The following GPR63 variants were observed in gnomAD, a reference collection of about 807,000 sequenced individuals.
The protein encoded by GPR63 is G protein-coupled receptor 63, also known as probable G protein-coupled receptor 63.
In GPR63, 12 loss-of-function variants were observed where a neutral mutation model predicts 23.1. The observed-to-expected ratio is 0.52, with a 90% CI of 0.33 to 0.84. GPR63 has a LOEUF of 0.84. GPR63 is among the 40% of genes least tolerant of loss of function. The pLI is 0.02. For synonymous variants in GPR63, 172 were observed against 191.1 expected, an observed-to-expected ratio of 0.90 and a Z score of 0.82; for missense variants, 472 against 515.6, an observed-to-expected ratio of 0.92 and a Z score of 0.82.
chr6:96,835,491 C>A (rs1774702244), intron 1 of GPR63, among the ~76,000 whole-genome samples: 1 of 152,040 alleles, frequency 6.6e-6, no homozygotes, highest in African/African-American at 2.4e-5. Context: ...AAACCATAAA[C>A]AAAATCTCAA....
chr6:96,804,779 C>A (rs1349269271), intron 1 of GPR63, among the ~76,000 whole-genome samples: 1 of 152,112 alleles, frequency 6.6e-6, no homozygotes, highest in African/African-American at 2.4e-5. Flanking sequence ...TTAGCTGTCA[C>A]AGCATTTCCA....
intron 1 of GPR63, among the ~76,000 whole-genome samples, chr6:96,826,764 C>G: frequency 6.6e-6 from 1 of 151,952 alleles, no homozygotes; most frequent in African/African-American, 2.4e-5. Flanking sequence ...AAAATAAACT[C>G]TACCATGTCA....
At position 96,794,801 on chromosome 6, in the gene GPR63, G is replaced by T. The variant is rs145661676; in HGVS notation, c.*3671C>A. ...GACTTTCAATTAAGTCACCCATTTT[G>T]CTCTACTGTGAAGCTATATGCTTTA... On this transcript the variant is annotated 3_prime_UTR_variant, in exon 2 of 2. Coordinates refer to ENST00000229955, the MANE Select transcript of GPR63 (RefSeq NM_030784.4). 4.7e-4 allele frequency: 71 copies of T among 152,178 alleles called. No homozygotes were observed. Among genetic ancestry groups the T allele is most frequent in the African/African-American group, 1.6e-3 (65 of 41,516 alleles). 9.4% of individuals were successfully genotyped at this position (152,178 alleles called of 1,614,324 possible).
intron 1 of GPR63, among the ~76,000 whole-genome samples, chr6:96,811,285 C>A (rs1300151717): frequency 6.6e-6 from 1 of 152,204 alleles, no homozygotes; most frequent in East Asian, 1.9e-4. Context: ...TAAACAGAAA[C>A]TGGCTGCTGG....
In GPR63 at chr6:96,798,961, TA is replaced by T; in HGVS notation, c.770del (p.Val257GlufsTer18). On this transcript the variant is annotated frameshift_variant, in exon 2 of 2. Coordinates refer to ENST00000229955, the MANE Select transcript of GPR63 (RefSeq NM_030784.4). LOFTEE classifies it high-confidence loss of function. ...SLISFFIPFL[V>X]ILYSFMGILN... Reference sequence around the variant, plus strand: ...GTATGCCCATAAATGAGTACAGTATTACCAGGAAGGGTATGAAGAAAGAAAT... The same window carrying T: ...GTATGCCCATAAATGAGTACAGTATTCCAGGAAGGGTATGAAGAAAGAAAT... 1.2e-6 allele frequency: 2 copies of T among 1,614,128 alleles called. No individual in the cohort carries two copies. The highest frequency in any genetic ancestry group is 1.7e-6 in the Non-Finnish European group (2 of 1,180,016).
At chr6:96,820,823 C>A (rs1774295793) in intron 1 of GPR63, among the ~76,000 whole-genome samples, 1 of 152,102 alleles carries the variant, frequency 6.6e-6, no homozygotes, top group East Asian at 1.9e-4. Context: ...CCTTAATCTA[C>A]CACAAATTTC....
intron 1 of GPR63, among the ~76,000 whole-genome samples, chr6:96,834,225 C>T (rs925886159): frequency 2.0e-5 from 3 of 152,254 alleles, no homozygotes; most frequent in East Asian, 3.9e-4. Context: ...CATGGCATAC[C>T]GCCTCAAGCC....
chr6:96,823,853 T>A (rs1182993568), intron 1 of GPR63, among the ~76,000 whole-genome samples: 1 of 152,150 alleles, frequency 6.6e-6, no homozygotes, highest in Non-Finnish European at 1.5e-5. Context: ...TACAGTAACA[T>A]GCTTTACAGG....
At chr6:96,819,592 G>T (rs12191070) in intron 1 of GPR63, among the ~76,000 whole-genome samples, 1 of 151,812 alleles carries the variant, frequency 6.6e-6, no homozygotes, top group Non-Finnish European at 1.5e-5. Context: ...CTAAATGGGG[G>T]TTGATAGGAG....
intron 1 of GPR63, among the ~76,000 whole-genome samples, chr6:96,820,116 T>C (rs1452089211): frequency 2.0e-5 from 3 of 151,138 alleles, no homozygotes; most frequent in African/African-American, 7.3e-5. Context: ...GAAAATAAAA[T>C]CTTCTTGAAC....
chr6:96,811,464 G>A (rs1335713110), intron 1 of GPR63, among the ~76,000 whole-genome samples: 1 of 152,180 alleles, frequency 6.6e-6, no homozygotes, highest in East Asian at 1.9e-4. Context: ...ACATTATGGA[G>A]CATCTCTCTC....
intron 1 of GPR63, among the ~76,000 whole-genome samples, chr6:96,811,166 A>G (rs976241803): frequency 6.6e-6 from 1 of 152,176 alleles, no homozygotes; most frequent in African/African-American, 2.4e-5. Context: ...CTCATTGCAT[A>G]TGCTCTAAAG....
At position 96,811,961 on chromosome 6, in the gene GPR63, C is replaced by A. The variant is rs191071796; in HGVS notation, c.-150-12080G>T. On this transcript the variant is annotated intron_variant, in intron 1 of 1. Coordinates refer to ENST00000229955, the MANE Select transcript of GPR63 (RefSeq NM_030784.4). The stretch of plus-strand genomic sequence containing the variant: ...AAATGAATACTCTATAAATTTAGAT[C>A]ATTATAACAATGTCTACTTTTTTTG... Among the ~76,000 whole-genome samples the A allele has an allele frequency of 2.6e-5, 4 of 151,974 alleles. No homozygotes were observed. The East Asian group carries it at 5.8e-4, about 22-fold the overall frequency.
intron 1 of GPR63, among the ~76,000 whole-genome samples, chr6:96,809,628 A>G (rs955415055): frequency 6.6e-6 from 1 of 152,174 alleles, no homozygotes; most frequent in South Asian, 2.1e-4. Context: ...CTTCAAATCC[A>G]TAGTAACCCA....
chr6:96,803,032 G>A (rs754444675), intron 1 of GPR63, among the ~76,000 whole-genome samples: 2 of 152,108 alleles, frequency 1.3e-5, no homozygotes, highest in East Asian at 1.9e-4. Flanking sequence ...ATGAAAGCAC[G>A]TATCTCCATT....
Position 96,819,413 on chromosome 6 carries a change from G to A in GPR63, c.-151+17855C>T, listed in dbSNP as rs966984319. The stretch of plus-strand genomic sequence containing the variant: ...AAACCATCATTCTCAGCAAACTAAC[G>A]GGAACAGAAAACCAAACACAGCATG... On this transcript the variant is annotated intron_variant, in intron 1 of 1. Transcript: ENST00000229955. Among the ~76,000 whole-genome samples, 12 of 152,084 alleles carry A rather than the reference G, an allele frequency of 7.9e-5. No homozygotes were observed. The South Asian group carries it at 2.3e-3, about 29-fold the overall frequency.
chr6:96,827,046 T>TA (rs11461025), intron 1 of GPR63, among the ~76,000 whole-genome samples: 70,331 of 122,140 alleles, frequency 0.58, 18,670 homozygotes, highest in Admixed American at 0.66. Flanking sequence ...GAACACAGTC[T>TA]AAAAAAAAAA....
chr6:96,801,548 T>C (rs1353205615), intron 1 of GPR63, among the ~76,000 whole-genome samples: 1 of 152,174 alleles, frequency 6.6e-6, no homozygotes, highest in Non-Finnish European at 1.5e-5. Context: ...ATTCATTTAC[T>C]AATGCATGAT....
intron 1 of GPR63, among the ~76,000 whole-genome samples, chr6:96,807,600 T>A (rs2082655323): frequency 6.6e-6 from 1 of 152,132 alleles, no homozygotes; most frequent in Admixed American, 6.5e-5. Flanking sequence ...AGAAAAGTAA[T>A]CAGAAAGCTA....
Sources: gnomAD v4.1 joint callset for allele counts (sites outside exome capture counted in the v4.1 genomes callset) on GRCh38, gnomAD v4.1.1 for gene constraint, MANE v1.5 for transcripts, NCBI Gene and HGNC (gene_info 2026-07-23, HGNC 2026-07-21) for gene names.